Variants in PTPRQ observed in about 807,000 individuals in gnomAD.
PTPRQ encodes protein tyrosine phosphatase receptor type Q.
PTPRQ carries 199 observed loss-of-function variants against 246.0 expected under a neutral mutation model. The ratio of observed to expected loss-of-function variants is 0.81; its 90% CI spans 0.72 to 0.91. PTPRQ has a LOEUF of 0.91. Among genes scored for constraint, PTPRQ ranks in the 40% least tolerant of loss-of-function variants. The pLI is 0.00. For missense variants in PTPRQ, 2,624 were observed against 2,528.4 expected (o/e 1.04, Z -0.81); for synonymous variants, 869 against 853.2 (o/e 1.02, Z -0.32).
chr12:80,594,543 T>C (rs556266629), intron 26 of PTPRQ, among the ~76,000 whole-genome samples: 1 of 152,278 alleles, frequency 6.6e-6, no homozygotes, highest in East Asian at 1.9e-4. Flanking sequence ...TTGAAGTTAT[T>C]GGTATAACCA....
chr12:80,618,064 A>C (rs1397483093), intron 30 of PTPRQ, among the ~76,000 whole-genome samples: 2 of 151,372 alleles, frequency 1.3e-5, no homozygotes, highest in Non-Finnish European at 3.0e-5. Flanking sequence ...TTACACATCC[A>C]GTCTCATTTT....
At chr12:80,495,946 T>A in intron 12 of PTPRQ, 53 bp from the exon 13 acceptor site, 1 of 1,521,832 alleles carries the variant, frequency 6.6e-7, no homozygotes, top group Non-Finnish European at 8.8e-7. Flanking sequence ...ATGGCACCAA[T>A]CCCAAGAGTA....
At chr12:80,580,725 G>C (rs1360907499) in intron 25 of PTPRQ, among the ~76,000 whole-genome samples, 1 of 152,110 alleles carries the variant, frequency 6.6e-6, no homozygotes, top group Non-Finnish European at 1.5e-5. Context: ...ATGTGGACTA[G>C]ATTTTGTACC....
chr12:80,646,037 A>G (rs906531634), intron 35 of PTPRQ, among the ~76,000 whole-genome samples: 17 of 152,204 alleles, frequency 1.1e-4, no homozygotes, highest in African/African-American at 3.9e-4. Flanking sequence ...TTTTAGCACA[A>G]TATAGTCTAT....
Position 80,549,752 on chromosome 12 carries a change from G to T in PTPRQ, c.4285+18G>T, listed in dbSNP as rs1209781275. ...TGAAACAGGTAACTAACGTGAAACAGGTAACTAACATGAAACCTTTAACTA... is the reference window on the plus strand; with the variant it reads ...TGAAACAGGTAACTAACGTGAAACATGTAACTAACATGAAACCTTTAACTA... On this transcript the variant is annotated intron_variant, in intron 25 of 44. Coordinates refer to ENST00000644991, the MANE Select transcript of PTPRQ (RefSeq NM_001145026.2). 1.4e-6 allele frequency: 2 copies of T among 1,439,252 alleles called. No homozygotes were observed. Among genetic ancestry groups the T allele is most frequent in the Non-Finnish European group, 1.9e-6 (2 of 1,060,848 alleles). The allele number at this position is 1,439,252 out of a possible 1,614,324, so 89.2% of individuals were successfully genotyped here. A position where few individuals can be genotyped will look rare whatever the true frequency, so the allele number is the denominator to read the frequency against.
intron 19 of PTPRQ, 145 bp from the exon 20 acceptor site, chr12:80,539,631 A>G (rs984377121): frequency 6.5e-5 from 41 of 632,294 alleles, no homozygotes; most frequent in Non-Finnish European, 8.1e-5. Context: ...TTGTTGCAAT[A>G]AAAAATGTTC....
chr12:80,458,805 T>A (rs936805791), intron 4 of PTPRQ, among the ~76,000 whole-genome samples: 2 of 152,074 alleles, frequency 1.3e-5, no homozygotes, highest in African/African-American at 4.8e-5. Flanking sequence ...TAAGTTGATT[T>A]TGAAAATGTA....
intron 39 of PTPRQ, among the ~76,000 whole-genome samples, chr12:80,662,453 C>T (rs1900662579): frequency 2.0e-5 from 3 of 151,832 alleles, no homozygotes; most frequent in Admixed American, 2.0e-4. Flanking sequence ...TCAAATGGAC[C>T]TGAGTTCAAA....
chr12:80,587,292 A>G (rs1251428126), intron 25 of PTPRQ, among the ~76,000 whole-genome samples: 1 of 152,208 alleles, frequency 6.6e-6, no homozygotes, highest in African/African-American at 2.4e-5. Context: ...TAATTTTCAC[A>G]TGTCATCATT....
Position 80,463,268 on chromosome 12 carries a change from C to T in PTPRQ, c.910+2366C>T, listed in dbSNP as rs976697646. ...AATCAACTGGGAGAAAGGGTATCAG[C>T]GATGGAAGATGAAATGAATGAAATG... On this transcript the variant is annotated intron_variant, in intron 6 of 44. Transcript: ENST00000644991. 8.6e-5 allele frequency among the ~76,000 whole-genome samples: 13 copies of T among 151,730 alleles called. 1 individual carries two copies. Among genetic ancestry groups the T allele is most frequent in the South Asian group, 6.3e-4 (3 of 4,796 alleles).
chr12:80,451,199 G>A (rs968154763), intron 3 of PTPRQ, among the ~76,000 whole-genome samples: 1 of 151,246 alleles, frequency 6.6e-6, no homozygotes, highest in Non-Finnish European at 1.5e-5. Context: ...ATGGTAGTTT[G>A]TATTTCTGTG....
At chr12:80,662,062 A>G (rs980197731) in intron 39 of PTPRQ, among the ~76,000 whole-genome samples, 2 of 151,922 alleles carry the variant, frequency 1.3e-5, no homozygotes, top group African/African-American at 4.8e-5. Flanking sequence ...GCCTTCTTCT[A>G]TACAAATTTA....
chr12:80,542,845 A>C lies in PTPRQ; in HGVS notation c.3837A>C (p.Lys1279Asn). 1.9e-6 allele frequency: 3 copies of C among 1,540,004 alleles called. No individual in the cohort carries two copies. The highest frequency in any genetic ancestry group is 2.6e-6 in the Non-Finnish European group (3 of 1,141,954). Residue 1279 changes from lysine (K) to asparagine (N), a missense_variant, in exon 23 of 45, where the codon AAA becomes AAC. Transcript: ENST00000644991. ...PGGIVKVYSF[K>N]IHEHETDTIY... ...GTATTGTTAAAGTATATAGTTTTAA[A>C]ATTCATGAACATGAAACTGACACTA...
At chr12:80,632,783 C>G (rs1296570204) in intron 34 of PTPRQ, among the ~76,000 whole-genome samples, 3 of 152,120 alleles carry the variant, frequency 2.0e-5, no homozygotes, top group Non-Finnish European at 4.4e-5. Context: ...TGGAGCTGTT[C>G]CGTAGAAGCT....
chr12:80,606,268 T>C (rs1026353261), intron 27 of PTPRQ, among the ~76,000 whole-genome samples: 1 of 150,890 alleles, frequency 6.6e-6, no homozygotes, highest in Non-Finnish European at 1.5e-5. Context: ...TGGGTAATGT[T>C]AGTATTTAGA....
At chr12:80,480,229 C>G (rs1893988359) in intron 8 of PTPRQ, among the ~76,000 whole-genome samples, 1 of 152,166 alleles carries the variant, frequency 6.6e-6, no homozygotes. Context: ...TCACTCAAAA[C>G]TGCTCAACTT....
At chr12:80,519,044 C>T (rs1895392448) in intron 17 of PTPRQ, among the ~76,000 whole-genome samples, 1 of 152,054 alleles carries the variant, frequency 6.6e-6, no homozygotes, top group Non-Finnish European at 1.5e-5. Flanking sequence ...GATTGCATTG[C>T]ATCTGTAGAT....
At chr12:80,678,337 A>C (rs1901211434) in intron 43 of PTPRQ, among the ~76,000 whole-genome samples, 1 of 152,190 alleles carries the variant, frequency 6.6e-6, no homozygotes, top group South Asian at 2.1e-4. Context: ...ACTTCTTATG[A>C]TAACAGCAAG....
intron 17 of PTPRQ, among the ~76,000 whole-genome samples, chr12:80,531,163 A>G (rs1895832190): frequency 6.6e-6 from 1 of 152,066 alleles, no homozygotes; most frequent in Non-Finnish European, 1.5e-5. Flanking sequence ...AAGAAATAAA[A>G]AAGAGAAAAA....
Sources: allele counts gnomAD v4.1 joint callset (sites outside exome capture counted in the v4.1 genomes callset), GRCh38; gene constraint gnomAD v4.1.1; transcripts MANE v1.5; gene names NCBI Gene and HGNC (gene_info 2026-07-23, HGNC 2026-07-21).